Variants in HMGN1 observed in about 807,000 individuals in gnomAD.
HMGN1 encodes the protein high mobility group nucleosome binding domain 1.
HMGN1 carries 9 observed loss-of-function variants against 18.4 expected under a neutral mutation model. The ratio of observed to expected loss-of-function variants is 0.49; its 90% CI spans 0.29 to 0.85. HMGN1 has a LOEUF of 0.85. HMGN1 is among the 40% of genes least tolerant of loss of function. The pLI is 0.07. For synonymous variants in HMGN1, 59 were observed against 45.0 expected (o/e 1.31, Z -1.24); for missense variants, 151 against 119.2 (o/e 1.27, Z -1.24).
At chr21:39,345,028 C>G (rs1248898351) in intron 5 of HMGN1, 118 bp downstream of exon 5, 1 of 1,245,334 alleles carries the variant, frequency 8.0e-7, no homozygotes, top group African/African-American at 1.5e-5. Flanking sequence ...CCGTACAAAA[C>G]TTTGTTCAAT....
chr21:39,343,341 A>G (rs1166458398), intron 5 of HMGN1, among the ~76,000 whole-genome samples, 182 bp from the exon 6 acceptor site: 2 of 152,162 alleles, frequency 1.3e-5, no homozygotes, highest in Non-Finnish European at 2.9e-5. Context: ...CAGCCCTTCC[A>G]TGGTCATGTG....
At chr21:39,348,752 C>T in intron 1 of HMGN1, 151 bp downstream of exon 1, 1 of 1,079,198 alleles carries the variant, frequency 9.3e-7, no homozygotes. Flanking sequence ...GCCCCCGCGG[C>T]CGCCGAGCGC....
chr21:39,345,065 C>CA (rs957506061), intron 5 of HMGN1, 81 bp downstream of exon 5: 1 of 1,433,848 alleles, frequency 7.0e-7, no homozygotes, highest in East Asian at 2.5e-5. Flanking sequence ...TTATCTGCTA[C>CA]AAAAAATGTA....
In HMGN1 at chr21:39,346,923, G is replaced by C. The variant is rs992557226; in HGVS notation, c.126+1369C>G. The C allele has an allele frequency of 2.6e-5, 4 of 152,316 alleles. No individual in the cohort carries two copies. The East Asian group carries it at 5.8e-4, about 22-fold the overall frequency. The allele number at this position is 152,316 out of a possible 1,614,324, so 9.4% of individuals were successfully genotyped here. On this transcript the variant is annotated intron_variant, in intron 4 of 5. Coordinates refer to ENST00000380749, the MANE Select transcript of HMGN1 (RefSeq NM_004965.7). ...ACATCTGATGTCCCAAACCCACTGA[G>C]AGTAAAACTTGGAACTGTTTTCATT... is the stretch of plus-strand genomic sequence containing the variant.
At chr21:39,346,811 G>A (rs1034856092) in intron 4 of HMGN1, 2 of 152,112 alleles carry the variant, frequency 1.3e-5, no homozygotes, top group African/African-American at 4.8e-5. Flanking sequence ...AATCCCTTCT[G>A]CCCTTTTTCC....
At position 39,349,049 on chromosome 21, in the gene HMGN1, G is replaced by A. The variant is rs925601965; in HGVS notation, c.-132C>T. ...CGCTGCCACTCCTCCCGCCGCCCGA[G>A]CTGCTGAGACCCACAGCGGGGGCGG... On this transcript the variant is annotated 5_prime_UTR_variant, in exon 1 of 6. Transcript: ENST00000380749. 14 of 1,035,808 alleles carry A rather than the reference G, an allele frequency of 1.4e-5. No homozygotes were observed. The African/African-American group carries it at 2.0e-4, about 15-fold the overall frequency. The allele number at this position is 1,035,808 out of a possible 1,614,324, so 64.2% of individuals were successfully genotyped here. A position where few individuals can be genotyped will look rare whatever the true frequency, so the allele number is the denominator to read the frequency against.
In HMGN1 at chr21:39,342,851, G is replaced by A. The variant is rs201702275; in HGVS notation, c.*261C>T. 1.2e-3 allele frequency: 1,752 copies of A among 1,451,212 alleles called. 2 individuals carry two copies. The highest frequency in any genetic ancestry group is 1.5e-3 in the Non-Finnish European group (1,646 of 1,092,322). 89.9% of individuals were successfully genotyped at this position (1,451,212 alleles called of 1,614,324 possible). A position where few individuals can be genotyped will look rare whatever the true frequency, so the allele number is the denominator to read the frequency against. ...TCTGTGGAATGTTAAGCTGACACCC[G>A]AGACAGTCAGAGCCTCCCATAATTC... is the stretch of plus-strand genomic sequence containing the variant. On this transcript the variant is annotated 3_prime_UTR_variant, in exon 6 of 6. Transcript: ENST00000380749.
Position 39,345,290 on chromosome 21 carries a change from A to T in HMGN1, c.127-16T>A. 2 of 1,604,006 alleles carry T rather than the reference A, an allele frequency of 1.2e-6. No individual in the cohort carries two copies. The highest frequency in any genetic ancestry group is 2.7e-5 in the African/African-American group (2 of 74,784). ...AAGATTTATCCTATGATAGAATAAGAATATATTTTAAGTACATGCTTTACT... is the reference window on the plus strand; with the variant it reads ...AAGATTTATCCTATGATAGAATAAGTATATATTTTAAGTACATGCTTTACT... On this transcript the variant is annotated splice_polypyrimidine_tract_variant and intron_variant, in intron 4 of 5. Transcript: ENST00000380749.
intron 4 of HMGN1, chr21:39,346,167 C>T (rs957828384): frequency 2.5e-5 from 9 of 356,674 alleles, no homozygotes; most frequent in African/African-American, 1.9e-4. Context: ...CATACGGATA[C>T]TGACCAATTA....
intron 4 of HMGN1, chr21:39,347,280 A>G (rs2037089349): frequency 1.1e-6 from 1 of 904,004 alleles, no homozygotes; most frequent in Non-Finnish European, 1.4e-6. Context: ...AAGGATCACA[A>G]AAACAGAACT....
intron 1 of HMGN1, 53 bp from the exon 2 acceptor site, chr21:39,348,630 G>A (rs2037154599): frequency 8.6e-6 from 13 of 1,509,272 alleles, no homozygotes; most frequent in Non-Finnish European, 1.1e-5. Context: ...CAGGACTCGC[G>A]GGCCCGCCCG....
chr21:39,345,458 C>G (rs991603836), intron 4 of HMGN1, 184 bp from the exon 5 acceptor site: 2 of 625,418 alleles, frequency 3.2e-6, no homozygotes, highest in Non-Finnish European at 5.6e-6. Flanking sequence ...ATGAAAGGAT[C>G]TCATTTTGTA....
chr21:39,348,456 G>A lies in HMGN1; in HGVS notation c.49-5C>T, dbSNP rs1413915341. The A allele has an allele frequency of 1.2e-6, 2 of 1,614,174 alleles. No homozygotes were observed. The highest frequency in any genetic ancestry group is 1.7e-5 in the Admixed American group (1 of 60,032). ...CCGCGCCGATCTCCTCTTGGGCTTG[G>A]AGAAAGAAAAAGGAGAGTCAGCGAG... On this transcript the variant is annotated splice_region_variant and splice_polypyrimidine_tract_variant and intron_variant, in intron 2 of 5. Transcript: ENST00000380749.
At chr21:39,347,971 G>A in intron 4 of HMGN1, 3 of 1,217,558 alleles carry the variant, frequency 2.5e-6, no homozygotes. Context: ...GTCAAAAAAG[G>A]AAGTACAAGC....
At chr21:39,347,955 T>A in intron 4 of HMGN1, 2 of 1,176,694 alleles carry the variant, frequency 1.7e-6, no homozygotes, top group Non-Finnish European at 2.1e-6. Context: ...TCTTGACTCT[T>A]TTATTGTCAA....
Position 39,348,337 on chromosome 21 carries a change from T to C in HMGN1, c.81A>G (p.Lys27=), listed in dbSNP as rs1453479140. Residue 27 remains lysine, a splice_region_variant and synonymous_variant, in exon 4 of 6, where the codon AAA becomes AAG. Coordinates refer to ENST00000380749, the MANE Select transcript of HMGN1 (RefSeq NM_004965.7). ...PKRRSARLSA[K]PPAKVEAKPK... ...GCTTCGCTTCCACTTTTGCAGGAGG[T>C]TTCTGAAAGGCAAAAGCAGCACTGA... 2 of 1,614,034 alleles carry C rather than the reference T, an allele frequency of 1.2e-6. No individual in the cohort carries two copies. Among genetic ancestry groups the C allele is most frequent in the South Asian group, 1.1e-5 (1 of 91,068 alleles).
At chr21:39,345,850 G>C (rs780418639) in intron 4 of HMGN1, 1 of 1,302,270 alleles carries the variant, frequency 7.7e-7, no homozygotes, top group Non-Finnish European at 1.0e-6. Context: ...GCACCATGCC[G>C]TACGGTCAGG....
At chr21:39,343,897 T>TA (rs2036950010) in intron 5 of HMGN1, among the ~76,000 whole-genome samples, 1 of 152,212 alleles carries the variant, frequency 6.6e-6, no homozygotes, top group African/African-American at 2.4e-5. Context: ...GTTCTTCCTT[T>TA]AAAATCAAAA....
At chr21:39,345,873 C>CTA in intron 4 of HMGN1, 1 of 1,303,292 alleles carries the variant, frequency 7.7e-7, no homozygotes, top group Non-Finnish European at 1.0e-6. Context: ...GACTATCCTG[C>CTA]TACAGTTAAT....
Sources: allele counts gnomAD v4.1 joint callset (sites outside exome capture counted in the v4.1 genomes callset), GRCh38; gene constraint gnomAD v4.1.1; transcripts MANE v1.5; gene names NCBI Gene and HGNC (gene_info 2026-07-23, HGNC 2026-07-21).